PTPRQ: variants seen among roughly 807,000 people sequenced by gnomAD.
The protein encoded by PTPRQ is phosphatidylinositol phosphatase PTPRQ.
Under a neutral mutation model 246.0 loss-of-function variants are expected in PTPRQ, and 199 were observed. The ratio of observed to expected loss-of-function variants is 0.81; its 90% CI spans 0.72 to 0.91. The LOEUF (loss-of-function observed/expected upper bound fraction) is 0.91. Among genes scored for constraint, PTPRQ ranks in the 40% least tolerant of loss-of-function variants. The pLI is 0.00. For synonymous variants in PTPRQ, 869 were observed against 853.2 expected (o/e 1.02, Z -0.32); for missense variants, 2,624 against 2,528.4 (o/e 1.04, Z -0.81).
chr12:80,669,583 C>CA, intron 41 of PTPRQ, 119 bp downstream of exon 41: 1 of 1,341,184 alleles, frequency 7.5e-7, no homozygotes, highest in Non-Finnish European at 9.8e-7. Flanking sequence ...TTCAACAATG[C>CA]TTTTGTATTG....
intron 22 of PTPRQ, 46 bp downstream of exon 22, chr12:80,542,410 G>T (rs772885638): frequency 7.3e-6 from 11 of 1,506,270 alleles, no homozygotes; most frequent in African/African-American, 4.3e-5. Flanking sequence ...CTGTTGCAGC[G>T]CCTGCTCTCT....
intron 37 of PTPRQ, 90 bp downstream of exon 37, chr12:80,649,759 G>A: frequency 6.9e-7 from 1 of 1,451,344 alleles, no homozygotes. Flanking sequence ...GCAAGGCCAT[G>A]AAGGACTCTG....
chr12:80,538,636 T>A (rs1896058501), intron 19 of PTPRQ, among the ~76,000 whole-genome samples: 1 of 152,170 alleles, frequency 6.6e-6, no homozygotes, highest in Admixed American at 6.5e-5. Context: ...ACTATATTTT[T>A]CCCTGAATAC....
Position 80,669,086 on chromosome 12 carries a change from G to C in PTPRQ, c.6272G>C (p.Trp2091Ser). 6.4e-7 allele frequency: 1 copy of C among 1,550,530 alleles called. No homozygotes were observed. The highest frequency in any genetic ancestry group is 8.7e-7 in the Non-Finnish European group (1 of 1,146,098). Residue 2091 changes from tryptophan (W) to serine (S), a missense_variant, in exon 40 of 45, where the codon TGG (tryptophan) becomes TCG (serine). Coordinates refer to ENST00000644991, the MANE Select transcript of PTPRQ (RefSeq NM_001145026.2). ...GTVGDFWRMV[W>S]ETRAKTLVML... ...GTTGGAGATTTTTGGAGAATGGTGT[G>C]GGAAACCAGAGCAAAAACATTAGTA...
chr12:80,611,835 TA>T (rs1898563193), intron 28 of PTPRQ, among the ~76,000 whole-genome samples: 1 of 150,474 alleles, frequency 6.6e-6, no homozygotes, highest in South Asian at 2.1e-4. Context: ...TGACACAGCA[TA>T]AAAACGTGTA....
rs532205954 is a variant in PTPRQ at position 80,630,780 on chromosome 12, G to A, written c.5687-1412G>A. On this transcript the variant is annotated intron_variant, in intron 33 of 44. Transcript: ENST00000644991. ...TACCCAGGCTGGAGTGCAGTGGCAC[G>A]ATGTCGGCTCACTGCAACCTCCACC... Among the ~76,000 whole-genome samples, 19 of 152,178 alleles carry A rather than the reference G, an allele frequency of 1.2e-4. 2 individuals carry two copies. Among genetic ancestry groups the A allele is most frequent in the South Asian group, 1.2e-3 (6 of 4,824 alleles).
intron 17 of PTPRQ, among the ~76,000 whole-genome samples, chr12:80,525,206 C>G (rs1419234537): frequency 6.6e-6 from 1 of 152,100 alleles, no homozygotes; most frequent in Non-Finnish European, 1.5e-5. Context: ...TGGAAATCCT[C>G]AGAATCAAGG....
intron 16 of PTPRQ, among the ~76,000 whole-genome samples, chr12:80,508,917 A>T (rs1895045059): frequency 6.6e-6 from 1 of 152,080 alleles, no homozygotes; most frequent in East Asian, 1.9e-4. Context: ...AGAAATGGTT[A>T]GTTGCAACAT....
rs1221195434 is a variant in PTPRQ, at chr12:80,620,243, C to T, written c.5479C>T (p.Pro1827Ser). Residue 1827 changes from proline (P) to serine (S), a missense_variant, in exon 32 of 45, where the codon CCA becomes TCA. Pro to Ser is a moderately conservative substitution (Grantham distance 74). Transcript: ENST00000644991. ...TACAAATGAAGGCTTTCCTAACCCTCCATGTACAGAAGGAAAGACAAAGTT... is the reference window on the plus strand; with the variant it reads ...TACAAATGAAGGCTTTCCTAACCCTTCATGTACAGAAGGAAAGACAAAGTT... Reference protein sequence around the residue: ...YFTNEGFPNPPCTEGKTKFSG... With the variant: ...YFTNEGFPNPSCTEGKTKFSG... The T allele has an allele frequency of 7.7e-6, 12 of 1,549,322 alleles. No homozygotes were observed. In the Admixed American group the frequency reaches 1.2e-4, roughly 15 times the overall value.
At chr12:80,552,383 CAAAT>C (rs1896501257) in intron 25 of PTPRQ, among the ~76,000 whole-genome samples, 1 of 151,552 alleles carries the variant, frequency 6.6e-6, no homozygotes, top group Non-Finnish European at 1.5e-5. Flanking sequence ...TGAGAACTGG[CAAAT>C]AAAATTACAG....
chr12:80,495,256 G>A lies in PTPRQ; in HGVS notation c.1767G>A (p.Trp589Ter). 6.5e-7 allele frequency: 1 copy of A among 1,544,350 alleles called. No homozygotes were observed. The highest frequency in any genetic ancestry group is 8.7e-7 in the Non-Finnish European group (1 of 1,144,734). ...NISSSSILLY[W>*]DPPEYPNGKI... ...GTTCTTCATCTATTTTGTTATATTG[G>A]GATCCTCCAGAATATCCCAATGGAA... Residue 589 changes from tryptophan (W) to a stop codon, truncating the protein, a stop_gained, in exon 12 of 45, where the codon TGG becomes TGA. Coordinates refer to ENST00000644991, the MANE Select transcript of PTPRQ (RefSeq NM_001145026.2). LOFTEE classifies it high-confidence loss of function.
At chr12:80,596,437 T>C (rs938929742) in intron 26 of PTPRQ, among the ~76,000 whole-genome samples, 4 of 151,852 alleles carry the variant, frequency 2.6e-5, no homozygotes, top group African/African-American at 9.7e-5. Context: ...TTTTAAATCA[T>C]CAATATTTTA....
chr12:80,445,357 A>G, intron 2 of PTPRQ, 134 bp from the exon 3 acceptor site: 1 of 574,460 alleles, frequency 1.7e-6, no homozygotes, highest in Non-Finnish European at 3.0e-6. Context: ...ATAGTAACAG[A>G]GCTGTAGGGA....
intron 43 of PTPRQ, among the ~76,000 whole-genome samples, chr12:80,674,430 G>A (rs1199086600): frequency 6.6e-6 from 1 of 152,012 alleles, no homozygotes; most frequent in South Asian, 2.1e-4. Flanking sequence ...CCTAAACTTC[G>A]ATGACTGGAG....
chr12:80,576,824 T>C lies in PTPRQ; in HGVS notation c.4286-11305T>C, dbSNP rs559357484. Among the ~76,000 whole-genome samples, 5 of 152,356 alleles carry C rather than the reference T, an allele frequency of 3.3e-5. No homozygotes were observed. In the South Asian group the frequency reaches 1.0e-3, roughly 32 times the overall value. On this transcript the variant is annotated intron_variant, in intron 25 of 44. Coordinates refer to ENST00000644991, the MANE Select transcript of PTPRQ (RefSeq NM_001145026.2). ...CCAAATTCCTTTACGTGACCCATTA[T>C]GCTAACACAAACCTCTCCTGTGATA...
chr12:80,546,765 G>A (rs1336213020), intron 24 of PTPRQ, 68 bp downstream of exon 24: 1 of 1,496,952 alleles, frequency 6.7e-7, no homozygotes, highest in African/African-American at 1.4e-5. Context: ...CCTTTTCTTA[G>A]TTTATATGAT....
chr12:80,518,384 A>T (rs781714133), intron 17 of PTPRQ, among the ~76,000 whole-genome samples: 1 of 152,082 alleles, frequency 6.6e-6, no homozygotes, highest in Non-Finnish European at 1.5e-5. Context: ...CTGGTTATTA[A>T]TCCCTTGTCA....
Position 80,496,536 on chromosome 12 carries a change from G to C in PTPRQ, c.2272+5G>C. On this transcript the variant is annotated splice_donor_5th_base_variant and intron_variant, in intron 14 of 44. Transcript: ENST00000644991. ...CTGTAAGGACTTCGGAGACTGGTGAGCTTTTGTTTTCTTTGTTTGTTTAAT... is the reference window on the plus strand; with the variant it reads ...CTGTAAGGACTTCGGAGACTGGTGACCTTTTGTTTTCTTTGTTTGTTTAAT... 7.0e-7 allele frequency: 1 copy of C among 1,427,702 alleles called. No individual in the cohort carries two copies. The highest frequency in any genetic ancestry group is 9.2e-7 in the Non-Finnish European group (1 of 1,085,692). 88.4% of individuals were successfully genotyped at this position (1,427,702 alleles called of 1,614,324 possible).
At chr12:80,473,518 TGTTATACAATTA>T (rs1231162964) in intron 8 of PTPRQ, among the ~76,000 whole-genome samples, 1 of 152,216 alleles carries the variant, frequency 6.6e-6, no homozygotes, top group Non-Finnish European at 1.5e-5. Context: ...TTTCTATTCT[TGTTATACAATTA>T]AATACATCCT....
Sources: allele counts gnomAD v4.1 joint callset (sites outside exome capture counted in the v4.1 genomes callset), GRCh38; gene constraint gnomAD v4.1.1; transcripts MANE v1.5; gene names NCBI Gene and HGNC (gene_info 2026-07-23, HGNC 2026-07-21).